The following CCDC159 variants were observed in gnomAD, a reference collection of about 807,000 sequenced individuals.
CCDC159 encodes coiled-coil domain containing 159, also known as coiled-coil domain-containing protein 159.
A neutral mutation model predicts 50.9 loss-of-function variants in CCDC159; 40 were observed. The ratio of observed to expected loss-of-function variants is 0.79; its 90% CI spans 0.61 to 1.02. CCDC159 has a LOEUF of 1.02. Ranked by LOEUF, CCDC159 falls within the 50% of genes least tolerant of loss-of-function variation. CCDC159 has a pLI of 0.00. For missense variants in CCDC159, 356 were observed against 371.5 expected (o/e 0.96, Z 0.34); for synonymous variants, 146 against 138.9 (o/e 1.05, Z -0.36).
At chr19:11,347,360 C>T (rs537773991) in intron 1 of CCDC159, among the ~76,000 whole-genome samples, 1 of 152,250 alleles carries the variant, frequency 6.6e-6, no homozygotes, top group East Asian at 1.9e-4. Context: ...GACGGAGTTT[C>T]GCTCTCGTTG....
intron 1 of CCDC159, chr19:11,348,744 T>C (rs530239560): frequency 3.2e-4 from 162 of 501,882 alleles, no homozygotes; most frequent in African/African-American, 3.0e-3. Context: ...GCTTCCCTAC[T>C]CACAGCGACC....
In CCDC159 at chr19:11,352,115, G is replaced by A. The variant is rs368228237; in HGVS notation, c.549G>A (p.Thr183=). 19 of 1,613,534 alleles carry A rather than the reference G, an allele frequency of 1.2e-5. No homozygotes were observed. The highest frequency in any genetic ancestry group is 3.3e-5 in the Admixed American group (2 of 59,958). Reference sequence around the variant, plus strand: ...TGAACATTCAGAAAATGCAGAAAACGCAGGTGAAATGCCGCAAAGTGAGTG... The same window carrying A: ...TGAACATTCAGAAAATGCAGAAAACACAGGTGAAATGCCGCAAAGTGAGTG... ...NLVNIQKMQK[T]QVKCRKILTK... Residue 183 remains threonine, a synonymous_variant, in exon 7 of 11, where the codon ACG becomes ACA. Coordinates refer to ENST00000458408, the MANE Select transcript of CCDC159 (RefSeq NM_001080503.3).
chr19:11,349,863 TTGC>T, intron 2 of CCDC159, 72 bp from the exon 3 acceptor site: 1 of 1,433,858 alleles, frequency 7.0e-7, no homozygotes, highest in Non-Finnish European at 9.8e-7. Flanking sequence ...CTCTGAGCCT[TTGC>T]TGACCTCTGC....
chr19:11,353,644 C>T, intron 8 of CCDC159, 72 bp downstream of exon 8: 1 of 1,599,084 alleles, frequency 6.3e-7, no homozygotes, highest in Non-Finnish European at 8.5e-7. Context: ...CTGGCAGTGA[C>T]CACCAGAACC....
At chr19:11,354,538 G>A in intron 9 of CCDC159, 42 bp from the exon 10 acceptor site, 1 of 1,527,922 alleles carries the variant, frequency 6.5e-7, no homozygotes, top group Non-Finnish European at 8.8e-7. Flanking sequence ...ATATTTGGGG[G>A]TTACTTGAGG....
In CCDC159 at chr19:11,353,890, A is replaced by C. The variant is rs759185256; in HGVS notation, c.772+16A>C. On this transcript the variant is annotated intron_variant, in intron 9 of 10. Transcript: ENST00000458408. Reference sequence around the variant, plus strand: ...AGCCTAAGAGGTGAGGGAGGCTGAGAATTGCTCAGGGGTGGGAGGTCATTG... The same window carrying C: ...AGCCTAAGAGGTGAGGGAGGCTGAGCATTGCTCAGGGGTGGGAGGTCATTG... 6.4e-7 allele frequency: 1 copy of C among 1,551,824 alleles called. No individual in the cohort carries two copies. Among genetic ancestry groups the C allele is most frequent in the African/African-American group, 1.4e-5 (1 of 72,868 alleles).
chr19:11,348,084 T>C (rs1169026729), intron 1 of CCDC159: 1 of 453,530 alleles, frequency 2.2e-6, no homozygotes, highest in Non-Finnish European at 4.4e-6. Flanking sequence ...TCAGCCATCA[T>C]GAATTTACCA....
chr19:11,349,533 G>T, intron 1 of CCDC159, 121 bp from the exon 2 acceptor site: 1 of 1,314,650 alleles, frequency 7.6e-7, no homozygotes, highest in South Asian at 1.3e-5. Context: ...CTGCACTTAC[G>T]GTTTGGGACA....
intron 7 of CCDC159, among the ~76,000 whole-genome samples, chr19:11,352,785 A>G (rs750961158): frequency 1.3e-5 from 2 of 151,706 alleles, no homozygotes; most frequent in Non-Finnish European, 2.9e-5. Flanking sequence ...AAAAAAAACA[A>G]GAGGGTGTGG....
chr19:11,352,433 C>A (rs993810602), intron 7 of CCDC159: 14 of 367,338 alleles, frequency 3.8e-5, no homozygotes, highest in South Asian at 3.6e-4. Context: ...TGATGAAACC[C>A]CGTCTATACT....
At chr19:11,352,169 G>T in intron 7 of CCDC159, 36 bp downstream of exon 7, 2 of 1,601,444 alleles carry the variant, frequency 1.2e-6, no homozygotes, top group Non-Finnish European at 8.5e-7. Flanking sequence ...GGGAGGAGTG[G>T]GAGAGGGAGG....
chr19:11,352,038 G>A lies in CCDC159; in HGVS notation c.491-19G>A, dbSNP rs370497162. ...GTCCTTCTTCAGCCTTTGTCCGCCT[G>A]AGCCCCCTCCCTCCACAGAAGCGCA... is the stretch of plus-strand genomic sequence containing the variant. On this transcript the variant is annotated intron_variant, in intron 6 of 10. Transcript: ENST00000458408. The A allele has an allele frequency of 4.5e-5, 73 of 1,613,402 alleles. No homozygotes were observed. In the African/African-American group the frequency reaches 7.1e-4, roughly 16 times the overall value.
intron 7 of CCDC159, 25 bp from the exon 8 acceptor site, chr19:11,353,426 G>A (rs1967691872): frequency 6.5e-7 from 1 of 1,548,614 alleles, no homozygotes; most frequent in African/African-American, 1.4e-5. Context: ...TATGACTGCT[G>A]TTCTCTCATC....
At chr19:11,352,211 A>T in intron 7 of CCDC159, 78 bp downstream of exon 7, 1 of 1,421,342 alleles carries the variant, frequency 7.0e-7, no homozygotes, top group South Asian at 1.2e-5. Flanking sequence ...CCACCATGAG[A>T]TTGGAGCCTG....
At chr19:11,350,092 C>A (rs749578952) in intron 3 of CCDC159, 26 bp from the exon 4 acceptor site, 2 of 1,612,750 alleles carry the variant, frequency 1.2e-6, no homozygotes, top group Admixed American at 3.3e-5. Flanking sequence ...CTTCCTCCCA[C>A]CCCAAGGCTG....
intron 1 of CCDC159, 59 bp from the exon 2 acceptor site, chr19:11,349,595 G>A (rs1422199398): frequency 6.2e-7 from 1 of 1,601,184 alleles, no homozygotes; most frequent in South Asian, 1.1e-5. Flanking sequence ...CTGGGTTGAG[G>A]TGAGCAAGGA....
intron 10 of CCDC159, 27 bp downstream of exon 10, chr19:11,354,723 C>A: frequency 1.9e-6 from 3 of 1,606,386 alleles, no homozygotes; most frequent in Non-Finnish European, 2.6e-6. Context: ...GTCCCCCCCT[C>A]CACCCATTTC....
intron 4 of CCDC159, 36 bp downstream of exon 4, chr19:11,350,235 C>T: frequency 6.3e-7 from 1 of 1,574,972 alleles, no homozygotes; most frequent in Non-Finnish European, 8.6e-7. Flanking sequence ...CAGGCTAGGC[C>T]AGGCGTGGTG....
At position 11,354,594 on chromosome 19, in the gene CCDC159, C is replaced by G; in HGVS notation, c.787C>G (p.Gln263Glu). 1.3e-6 allele frequency: 2 copies of G among 1,574,684 alleles called. No homozygotes were observed. The highest frequency in any genetic ancestry group is 1.7e-6 in the Non-Finnish European group (2 of 1,154,350). ...ASSLRGHKGH[Q>E]CLSPPLPSWD... ...CCCTCCTGCAGGCCACAAGGGGCAC[C>G]AGTGCCTGAGCCCTCCACTCCCCTC... The change falls in exon 10 of 11, where the codon CAG (glutamine) becomes GAG (glutamate). Residue 263 changes from glutamine (Q) to glutamate (E), a missense_variant. By Grantham distance (29) the Gln-to-Glu change is conservative. Coordinates refer to ENST00000458408, the MANE Select transcript of CCDC159 (RefSeq NM_001080503.3).
Sources: allele counts gnomAD v4.1 joint callset (sites outside exome capture counted in the v4.1 genomes callset), GRCh38; gene constraint gnomAD v4.1.1; transcripts MANE v1.5; gene names NCBI Gene and HGNC (gene_info 2026-07-23, HGNC 2026-07-21).